Variants in C12orf42 observed in about 807,000 individuals in gnomAD.
C12orf42 encodes uncharacterized protein C12orf42.
C12orf42 carries 25 observed loss-of-function variants against 21.6 expected under a neutral mutation model. The ratio of observed to expected loss-of-function variants is 1.16; its 90% CI spans 0.84 to 1.62. The LOEUF (loss-of-function observed/expected upper bound fraction) is 1.62. Ranked by LOEUF, C12orf42 falls within the 40% of genes most tolerant of loss-of-function variation. C12orf42 has a pLI of 0.00. For missense variants in C12orf42, 483 were observed against 459.3 expected (o/e 1.05, Z -0.47); for synonymous variants, 174 against 175.0 (o/e 0.99, Z 0.05).
the C12orf42 span, among the ~76,000 whole-genome samples, chr12:103,079,304 G>A: frequency 6.6e-6 from 1 of 152,168 alleles, no homozygotes; most frequent in African/African-American, 2.4e-5. Flanking sequence ...GGTGAAATAA[G>A]CTATCAGGGC....
At chr12:103,259,213 C>T (rs1277883232) in intron 10 of C12orf42, among the ~76,000 whole-genome samples, 1 of 152,194 alleles carries the variant, frequency 6.6e-6, no homozygotes, top group Non-Finnish European at 1.5e-5. Context: ...GATTTCACTA[C>T]ATTAAGACTC....
At chr12:103,235,278 C>A (rs992073684), downstream of C12orf42, among the ~76,000 whole-genome samples, 1 of 152,080 alleles carries the variant, frequency 6.6e-6, no homozygotes, top group African/African-American at 2.4e-5. Flanking sequence ...TCCTTTTTAG[C>A]TAGATTTGTC....
At chr12:103,398,779 T>G (rs2047741518) in intron 3 of C12orf42, among the ~76,000 whole-genome samples, 1 of 152,178 alleles carries the variant, frequency 6.6e-6, no homozygotes, top group East Asian at 1.9e-4. Context: ...ATATCCTTTC[T>G]TTTGTATATC....
chr12:103,106,119 A>T, the C12orf42 span, among the ~76,000 whole-genome samples: 1 of 152,192 alleles, frequency 6.6e-6, no homozygotes, highest in African/African-American at 2.4e-5. Context: ...ATGAGTAAAA[A>T]ATATATTCCC....
At chr12:103,477,476 C>T (rs982136508) in intron 2 of C12orf42, among the ~76,000 whole-genome samples, 1 of 152,018 alleles carries the variant, frequency 6.6e-6, no homozygotes, top group African/African-American at 2.4e-5. Flanking sequence ...AACCTGTGAA[C>T]ATTACCTTAG....
chr12:103,142,875 G>T, the C12orf42 span, among the ~76,000 whole-genome samples: 677 of 152,238 alleles, frequency 4.4e-3, 4 homozygotes, highest in African/African-American at 0.016. Flanking sequence ...TCCACCTAGA[G>T]TGTCCAAGAC....
intron 4 of C12orf42, among the ~76,000 whole-genome samples, chr12:103,344,267 C>T (rs993573256): frequency 2.0e-5 from 3 of 152,264 alleles, no homozygotes; most frequent in East Asian, 1.9e-4. Context: ...TCAAACTTCC[C>T]GGAGCTGTGT....
At chr12:103,282,880 T>A (rs910370173) in intron 4 of C12orf42, among the ~76,000 whole-genome samples, 12 of 152,202 alleles carry the variant, frequency 7.9e-5, no homozygotes, top group African/African-American at 2.9e-4. Flanking sequence ...TTTTCAAGAT[T>A]CATTTATCAA....
At chr12:103,235,225 A>C (rs1224186819), downstream of C12orf42, among the ~76,000 whole-genome samples, 3 of 152,148 alleles carry the variant, frequency 2.0e-5, no homozygotes, top group Non-Finnish European at 2.9e-5. Context: ...TTGGCAGCTC[A>C]GTTTACACCC....
At chr12:103,410,314 A>T (rs1026409506) in intron 2 of C12orf42, among the ~76,000 whole-genome samples, 14 of 152,196 alleles carry the variant, frequency 9.2e-5, no homozygotes, top group African/African-American at 3.4e-4. Context: ...TGCTTCTCCA[A>T]TCAATTTAGG....
At chr12:103,190,065 G>T in the C12orf42 span, among the ~76,000 whole-genome samples, 1 of 152,104 alleles carries the variant, frequency 6.6e-6, no homozygotes, top group African/African-American at 2.4e-5. Context: ...CCCATCATAG[G>T]AGTCTGCAAA....
At chr12:103,468,759 G>C (rs1404390029) in intron 2 of C12orf42, among the ~76,000 whole-genome samples, 1 of 151,876 alleles carries the variant, frequency 6.6e-6, no homozygotes, top group African/African-American at 2.4e-5. Flanking sequence ...ATTCACCCAA[G>C]TGCAAATTAC....
intron 2 of C12orf42, among the ~76,000 whole-genome samples, chr12:103,453,507 T>G (rs551434572): frequency 8.5e-5 from 13 of 152,158 alleles, no homozygotes; most frequent in African/African-American, 2.6e-4. Flanking sequence ...TGTATTCATC[T>G]TTTCAAAAAT....
the C12orf42 span, among the ~76,000 whole-genome samples, chr12:103,555,860 C>T: frequency 6.6e-6 from 1 of 152,036 alleles, no homozygotes; most frequent in Admixed American, 6.6e-5. Flanking sequence ...TGCCCTCTAC[C>T]TCACCCCCAC....
upstream of C12orf42, among the ~76,000 whole-genome samples, chr12:103,499,021 A>C (rs945146337): frequency 6.6e-6 from 1 of 152,018 alleles, no homozygotes; most frequent in African/African-American, 2.4e-5. Flanking sequence ...AGAACTGAAA[A>C]TAAAAATAAA....
At chr12:103,484,684 T>C (rs1954703297) in intron 1 of C12orf42, among the ~76,000 whole-genome samples, 1 of 152,170 alleles carries the variant, frequency 6.6e-6, no homozygotes, top group South Asian at 2.1e-4. Flanking sequence ...TTGTCGATTT[T>C]GGCTTTTGTT....
At chr12:103,254,011 T>C (rs1238604551) in intron 10 of C12orf42, among the ~76,000 whole-genome samples, 1 of 152,224 alleles carries the variant, frequency 6.6e-6, no homozygotes, top group African/African-American at 2.4e-5. Flanking sequence ...TTTGCTTTTG[T>C]TGCAGTTGCT....
chr12:103,094,119 T>C, the C12orf42 span, among the ~76,000 whole-genome samples: 2 of 152,196 alleles, frequency 1.3e-5, no homozygotes, highest in Non-Finnish European at 2.9e-5. Context: ...ACTTTGTTTC[T>C]ACTTTCCCTG....
chr12:103,061,856 T>A, the C12orf42 span, among the ~76,000 whole-genome samples: 1 of 151,982 alleles, frequency 6.6e-6, no homozygotes, highest in East Asian at 1.9e-4. Flanking sequence ...TTACTTATAT[T>A]GTTGATTTTA....
Sources: gnomAD v4.1 joint callset for allele counts (sites outside exome capture counted in the v4.1 genomes callset) on GRCh38, gnomAD v4.1.1 for gene constraint, MANE v1.5 for transcripts, NCBI Gene and HGNC (gene_info 2026-07-23, HGNC 2026-07-21) for gene names.